GRIK2: variants seen among roughly 807,000 people sequenced by gnomAD.
The protein encoded by GRIK2 is glutamate ionotropic receptor kainate type subunit 2, also known as glutamate receptor ionotropic, kainate 2.
Under a neutral mutation model 100.3 loss-of-function variants are expected in GRIK2, and 32 were observed. The ratio of observed to expected loss-of-function variants is 0.32; its 90% CI spans 0.24 to 0.43. GRIK2 has a LOEUF of 0.43. Among genes scored for constraint, GRIK2 ranks in the 20% least tolerant of loss-of-function variants. GRIK2 has a pLI of 1.00. For missense variants in GRIK2, 843 were observed against 1,114.9 expected (o/e 0.76, Z 3.47); for synonymous variants, 417 against 389.4 (o/e 1.07, Z -0.83).
chr6:101,970,540 A>C (rs9498768), intron 14 of GRIK2, among the ~76,000 whole-genome samples: 2,473 of 152,056 alleles, frequency 0.016, 73 homozygotes, highest in African/African-American at 0.058. Flanking sequence ...GCAGACATTT[A>C]TAGGACAGGG....
intron 7 of GRIK2, among the ~76,000 whole-genome samples, chr6:101,782,537 T>A (rs1779161467): frequency 6.6e-6 from 1 of 152,210 alleles, no homozygotes. Context: ...TGACATGATT[T>A]CATTTCTTTT....
chr6:101,586,089 T>A lies in GRIK2; in HGVS notation c.116-35860T>A, dbSNP rs142426015. On this transcript the variant is annotated intron_variant, in intron 2 of 16. Transcript: ENST00000369134. ...TTAGGGTTGAGGTTTGGGAGTTTAG[T>A]CCTGAAGCTGGGCGCCTACACCTAG... Among the ~76,000 whole-genome samples, 4 of 152,096 alleles carry A rather than the reference T, an allele frequency of 2.6e-5. No individual in the cohort carries two copies. In the East Asian group the frequency reaches 7.8e-4, roughly 30 times the overall value.
At chr6:101,823,124 C>T (rs1782063416) in intron 10 of GRIK2, among the ~76,000 whole-genome samples, 1 of 152,136 alleles carries the variant, frequency 6.6e-6, no homozygotes, top group Admixed American at 6.6e-5. Flanking sequence ...GCACTCCCCT[C>T]ATTTAGTACT....
intron 7 of GRIK2, among the ~76,000 whole-genome samples, chr6:101,784,359 A>G (rs1321992238): frequency 2.6e-5 from 4 of 152,246 alleles, no homozygotes; most frequent in Non-Finnish European, 5.9e-5. Flanking sequence ...CTGTACCTGC[A>G]TTGTATCTTG....
At chr6:101,411,422 T>C (rs181956881) in intron 2 of GRIK2, among the ~76,000 whole-genome samples, 76 of 152,242 alleles carry the variant, frequency 5.0e-4, no homozygotes, top group Admixed American at 1.5e-3. Context: ...TTTAATATGT[T>C]ACTAGATTTA....
intron 7 of GRIK2, among the ~76,000 whole-genome samples, chr6:101,785,736 A>T (rs1213823477): frequency 6.6e-6 from 1 of 151,992 alleles, no homozygotes; most frequent in Non-Finnish European, 1.5e-5. Flanking sequence ...AACACATTTT[A>T]AGGTCAGGTA....
intron 7 of GRIK2, among the ~76,000 whole-genome samples, chr6:101,711,444 T>C (rs1773688422): frequency 6.6e-6 from 1 of 151,802 alleles, no homozygotes. Flanking sequence ...TTCATGACCA[T>C]ATACTTACAT....
chr6:101,709,990 G>A (rs145116085), intron 7 of GRIK2, among the ~76,000 whole-genome samples: 4 of 151,914 alleles, frequency 2.6e-5, no homozygotes, highest in Non-Finnish European at 5.9e-5. Flanking sequence ...TTCTGACAGT[G>A]TCAATTCAAG....
chr6:101,895,389 AC>A (rs1787374700), intron 12 of GRIK2, among the ~76,000 whole-genome samples: 1 of 151,660 alleles, frequency 6.6e-6, no homozygotes, highest in Non-Finnish European at 1.5e-5. Context: ...GTGACCACCA[AC>A]ACTGTCTTAA....
intron 14 of GRIK2, among the ~76,000 whole-genome samples, chr6:101,957,259 T>C (rs1476878156): frequency 5.6e-5 from 1 of 17,896 alleles, no homozygotes; most frequent in Non-Finnish European, 9.9e-5. Flanking sequence ...CCGTTGAACA[T>C]TTTTGTCATG....
chr6:101,958,597 T>C (rs1792094551), intron 14 of GRIK2, among the ~76,000 whole-genome samples: 1 of 152,094 alleles, frequency 6.6e-6, no homozygotes, highest in African/African-American at 2.4e-5. Flanking sequence ...CATCCTTGTC[T>C]TGTTCCAGTT....
chr6:101,634,005 T>C (rs1243426203), intron 4 of GRIK2, among the ~76,000 whole-genome samples: 1 of 152,158 alleles, frequency 6.6e-6, no homozygotes, highest in Non-Finnish European at 1.5e-5. Context: ...TTTTGGCTCT[T>C]TTTAAAAATC....
chr6:101,607,931 C>G (rs2128312212), intron 2 of GRIK2, among the ~76,000 whole-genome samples: 1 of 151,848 alleles, frequency 6.6e-6, no homozygotes, highest in East Asian at 2.0e-4. Flanking sequence ...CATGCAAACC[C>G]TCTTCACCAC....
At chr6:101,718,847 A>C (rs1239774954) in intron 7 of GRIK2, among the ~76,000 whole-genome samples, 2 of 151,950 alleles carry the variant, frequency 1.3e-5, no homozygotes, top group African/African-American at 4.8e-5. Context: ...TTCAACCTTG[A>C]CTTGGTATCT....
At chr6:101,693,617 A>G (rs1772264480) in intron 7 of GRIK2, among the ~76,000 whole-genome samples, 1 of 152,066 alleles carries the variant, frequency 6.6e-6, no homozygotes, top group Admixed American at 6.6e-5. Context: ...GCCTCTTAAC[A>G]AAGAAAGATA....
chr6:101,840,114 G>A (rs998126556), intron 10 of GRIK2, among the ~76,000 whole-genome samples: 1 of 152,170 alleles, frequency 6.6e-6, no homozygotes, highest in African/African-American at 2.4e-5. Flanking sequence ...CAGTGATTCT[G>A]TCCTAAAACT....
At position 101,634,095 on chromosome 6, in the gene GRIK2, G is replaced by A. The variant is rs556565332; in HGVS notation, c.541+7458G>A. On this transcript the variant is annotated intron_variant, in intron 4 of 16. Coordinates refer to ENST00000369134, the MANE Select transcript of GRIK2 (RefSeq NM_021956.5). ...TGACTGCAGTGTGGAGAATGTGTTG[G>A]GGATATGAGATATGGAGAGCAATAG... 7.2e-5 allele frequency among the ~76,000 whole-genome samples: 11 copies of A among 152,138 alleles called. No homozygotes were observed. The South Asian group carries it at 2.3e-3, about 32-fold the overall frequency.
At chr6:101,730,943 A>ACACTGCGATTTACTTGAATGTTAGTCGT (rs1775224032) in intron 7 of GRIK2, among the ~76,000 whole-genome samples, 1 of 151,974 alleles carries the variant, frequency 6.6e-6, no homozygotes, top group East Asian at 1.9e-4. Flanking sequence ...TGCTTCTCAC[A>ACACTGCGATTTACTTGAATGTTAGTCGT]CACTGCGATT....
intron 7 of GRIK2, among the ~76,000 whole-genome samples, chr6:101,734,856 T>C (rs1185733767): frequency 6.6e-6 from 1 of 152,188 alleles, no homozygotes; most frequent in East Asian, 1.9e-4. Context: ...AAGGTGGTAC[T>C]GTAGTTAGAA....
Sources: allele counts gnomAD v4.1 joint callset (sites outside exome capture counted in the v4.1 genomes callset), GRCh38; gene constraint gnomAD v4.1.1; transcripts MANE v1.5; gene names NCBI Gene and HGNC (gene_info 2026-07-23, HGNC 2026-07-21).